NOL10: variants seen among roughly 807,000 people sequenced by gnomAD.
The protein encoded by NOL10 is H_NH0074G24.1.
NOL10 carries 58 observed loss-of-function variants against 103.5 expected under a neutral mutation model. The ratio of observed to expected loss-of-function variants is 0.56; its 90% CI spans 0.45 to 0.70. The LOEUF is 0.70. Ranked by LOEUF, NOL10 falls within the 30% of genes least tolerant of loss-of-function variation. The pLI is 0.00. For synonymous variants in NOL10, 287 were observed against 282.5 expected, an observed-to-expected ratio of 1.02 and a Z score of -0.16; for missense variants, 763 against 807.3, an observed-to-expected ratio of 0.95 and a Z score of 0.67.
chr2:10,661,730 C>T (rs543235234), intron 9 of NOL10, among the ~76,000 whole-genome samples: 12 of 152,094 alleles, frequency 7.9e-5, no homozygotes, highest in African/African-American at 1.7e-4. Context: ...GAGAAACTTA[C>T]ATCATCTGCA....
chr2:10,592,386 T>C (rs1480442450), intron 17 of NOL10, among the ~76,000 whole-genome samples: 1 of 151,996 alleles, frequency 6.6e-6, no homozygotes, highest in Non-Finnish European at 1.5e-5. Context: ...GGGGAAGAAA[T>C]CACGCTCCAT....
chr2:10,681,325 G>C (rs1172254032), intron 3 of NOL10, among the ~76,000 whole-genome samples: 2 of 151,664 alleles, frequency 1.3e-5, no homozygotes, highest in African/African-American at 4.8e-5. Context: ...CAACATGTAT[G>C]AACCTCAAAT....
intron 19 of NOL10, among the ~76,000 whole-genome samples, chr2:10,588,183 A>G (rs1183245844): frequency 6.6e-6 from 1 of 152,208 alleles, no homozygotes; most frequent in Non-Finnish European, 1.5e-5. Flanking sequence ...ATTCAAATAA[A>G]ACTACCTTTT....
intron 8 of NOL10, among the ~76,000 whole-genome samples, chr2:10,666,441 G>A (rs1302421343): frequency 1.3e-5 from 2 of 151,850 alleles, no homozygotes; most frequent in Non-Finnish European, 2.9e-5. Context: ...CCGCCCCCCT[G>A]CCTCAGCCTC....
At chr2:10,620,477 G>C (rs1227614965) in intron 13 of NOL10, among the ~76,000 whole-genome samples, 1 of 152,158 alleles carries the variant, frequency 6.6e-6, no homozygotes, top group Non-Finnish European at 1.5e-5. Flanking sequence ...GTCATGCACG[G>C]AACTAGGAAA....
At chr2:10,572,239 CCT>C (rs1225809624) in intron 20 of NOL10, 49 bp from the exon 21 acceptor site, 1 of 1,602,848 alleles carries the variant, frequency 6.2e-7, no homozygotes, top group Admixed American at 1.7e-5. Flanking sequence ...AAATTCTATA[CCT>C]CTTTTCTGGT....
At chr2:10,689,540 C>A (rs1451525445) in intron 1 of NOL10, among the ~76,000 whole-genome samples, 1 of 152,226 alleles carries the variant, frequency 6.6e-6, no homozygotes, top group Non-Finnish European at 1.5e-5. Flanking sequence ...GAACAGAGAA[C>A]TTTACAAAAG....
At chr2:10,649,566 T>C (rs913819344) in intron 12 of NOL10, among the ~76,000 whole-genome samples, 1 of 152,094 alleles carries the variant, frequency 6.6e-6, no homozygotes, top group Non-Finnish European at 1.5e-5. Context: ...GTGATCTGCA[T>C]GCCTCGGCCT....
intron 12 of NOL10, among the ~76,000 whole-genome samples, chr2:10,653,176 C>CA (rs1338779972): frequency 6.8e-6 from 1 of 146,888 alleles, no homozygotes; most frequent in Non-Finnish European, 1.5e-5. Context: ...GCCTGGGTGA[C>CA]AGAGCGAGAC....
At chr2:10,665,438 A>G (rs1558337712) in intron 8 of NOL10, among the ~76,000 whole-genome samples, 1 of 152,236 alleles carries the variant, frequency 6.6e-6, no homozygotes, top group Non-Finnish European at 1.5e-5. Context: ...TAAGAACTAA[A>G]GAAGAAACTA....
chr2:10,601,064 T>C (rs1362180554), intron 16 of NOL10, 122 bp from the exon 17 acceptor site: 5 of 593,060 alleles, frequency 8.4e-6, no homozygotes, highest in African/African-American at 1.9e-5. Flanking sequence ...CTAATTCTTA[T>C]TTTATTATTT....
At chr2:10,635,018 A>G (rs2148254389) in intron 13 of NOL10, among the ~76,000 whole-genome samples, 1 of 152,280 alleles carries the variant, frequency 6.6e-6, no homozygotes, top group East Asian at 1.9e-4. Flanking sequence ...AAGGATTTTA[A>G]ATTTTTGATT....
chr2:10,689,915 G>A lies in NOL10; in HGVS notation c.-54C>T, dbSNP rs767873906. The A allele has an allele frequency of 4.9e-5, 75 of 1,532,852 alleles. 1 individual carries two copies. The South Asian group carries it at 6.2e-4, about 13-fold the overall frequency. 95.0% of individuals were successfully genotyped at this position (1,532,852 alleles called of 1,614,324 possible). The stretch of plus-strand genomic sequence containing the variant: ...GGTCCTTTCCCACCAGCGTGCTCGA[G>A]CACCGTAATCCCGGGACCTCCGAGC... On this transcript the variant is annotated 5_prime_UTR_variant, in exon 1 of 21. Coordinates refer to ENST00000381685, the MANE Select transcript of NOL10 (RefSeq NM_024894.4).
chr2:10,646,382 G>C (rs1225320178), intron 12 of NOL10, among the ~76,000 whole-genome samples: 3 of 152,116 alleles, frequency 2.0e-5, no homozygotes, highest in Non-Finnish European at 4.4e-5. Context: ...ACCACGGAAA[G>C]GGCTCTAATG....
At chr2:10,616,731 T>C (rs751804125) in intron 13 of NOL10, among the ~76,000 whole-genome samples, 6 of 151,912 alleles carry the variant, frequency 3.9e-5, no homozygotes, top group African/African-American at 7.3e-5. Flanking sequence ...GTATCTTTTG[T>C]AGAGATGTAG....
At chr2:10,645,108 T>A (rs1678963394) in intron 12 of NOL10, among the ~76,000 whole-genome samples, 1 of 152,168 alleles carries the variant, frequency 6.6e-6, no homozygotes. Flanking sequence ...TTAGTGAACA[T>A]ACAACAACCC....
chr2:10,634,215 G>C (rs181554713), intron 13 of NOL10, among the ~76,000 whole-genome samples: 1 of 152,200 alleles, frequency 6.6e-6, no homozygotes, highest in Admixed American at 6.5e-5. Context: ...GAAGCAGAAA[G>C]ATCAGTTATC....
intron 13 of NOL10, among the ~76,000 whole-genome samples, chr2:10,638,905 C>T (rs1411557730): frequency 1.4e-5 from 2 of 146,450 alleles, no homozygotes; most frequent in Non-Finnish European, 3.0e-5. Context: ...CAGGTTCAAG[C>T]GATTCTCCTG....
chr2:10,659,030 G>A, intron 10 of NOL10, 142 bp downstream of exon 10: 1 of 653,756 alleles, frequency 1.5e-6, no homozygotes, highest in East Asian at 2.7e-5. Flanking sequence ...AGGTGTGGAA[G>A]AATCCAGCAT....
Sources: allele counts gnomAD v4.1 joint callset (sites outside exome capture counted in the v4.1 genomes callset), GRCh38; gene constraint gnomAD v4.1.1; transcripts MANE v1.5; gene names NCBI Gene and HGNC (gene_info 2026-07-23, HGNC 2026-07-21).